The following ADK variants were observed in gnomAD, a reference collection of about 807,000 sequenced individuals.
The protein encoded by ADK is N6,N6-dimethyladenosine kinase.
In ADK, 24 loss-of-function variants were observed where a neutral mutation model predicts 44.7. The observed-to-expected ratio is 0.54, with a 90% CI of 0.39 to 0.76. The LOEUF (loss-of-function observed/expected upper bound fraction) is 0.76, where lower values mean the gene tolerates loss of function less well. Among genes scored for constraint, ADK ranks in the 30% least tolerant of loss-of-function variants. The pLI is 0.00. For synonymous variants in ADK, 128 were observed against 142.6 expected, an observed-to-expected ratio of 0.90 and a Z score of 0.73; for missense variants, 321 against 425.1, an observed-to-expected ratio of 0.76 and a Z score of 2.15.
chr10:74,311,671 C>T (rs1840437578), intron 3 of ADK, among the ~76,000 whole-genome samples: 1 of 151,948 alleles, frequency 6.6e-6, no homozygotes, highest in African/African-American at 2.4e-5. Flanking sequence ...ATATCAGCCA[C>T]AAATAAAGAT....
intron 4 of ADK, among the ~76,000 whole-genome samples, chr10:74,387,206 A>T (rs1428651576): frequency 6.6e-6 from 1 of 152,200 alleles, no homozygotes; most frequent in African/African-American, 2.4e-5. Flanking sequence ...AAGTGCTGGG[A>T]TTACAGGCGT....
intron 3 of ADK, among the ~76,000 whole-genome samples, chr10:74,238,860 T>C (rs1414247958): frequency 7.8e-5 from 11 of 140,842 alleles, no homozygotes; most frequent in African/African-American, 3.1e-4. Flanking sequence ...CTAGTGCTTT[T>C]TTTTTTTTTT....
intron 6 of ADK, among the ~76,000 whole-genome samples, chr10:74,421,815 C>T (rs1213154563): frequency 6.6e-6 from 1 of 151,876 alleles, no homozygotes. Flanking sequence ...TCCGAGTGGC[C>T]GTAGCTGGAA....
Position 74,273,114 on chromosome 10 carries a change from C to T in ADK, c.195-41553C>T, listed in dbSNP as rs181571054. On this transcript the variant is annotated intron_variant, in intron 3 of 10. Coordinates refer to ENST00000539909, the MANE Select transcript of ADK (RefSeq NM_006721.4). ...CCTCCTTCAAGGAAGAATTGTGGCC[C>T]AGTTGTGGGGAGGTCAGTCATCAGA... Among the ~76,000 whole-genome samples, 10 of 151,510 alleles carry T rather than the reference C, an allele frequency of 6.6e-5. No individual in the cohort carries two copies. In the East Asian group the frequency reaches 1.7e-3, roughly 26 times the overall value.
chr10:74,242,031 C>T (rs1485927174), intron 3 of ADK, among the ~76,000 whole-genome samples: 1 of 152,176 alleles, frequency 6.6e-6, no homozygotes, highest in Non-Finnish European at 1.5e-5. Context: ...TATGCTGGTT[C>T]AGCTATCCTT....
At chr10:74,453,900 A>G (rs569665912) in intron 6 of ADK, among the ~76,000 whole-genome samples, 1 of 152,250 alleles carries the variant, frequency 6.6e-6, no homozygotes, top group South Asian at 2.1e-4. Flanking sequence ...ATTATTAGTA[A>G]TTGCTAAAAA....
intron 1 of ADK, among the ~76,000 whole-genome samples, chr10:74,183,286 C>T (rs998908320): frequency 6.6e-6 from 1 of 152,108 alleles, no homozygotes; most frequent in East Asian, 1.9e-4. Flanking sequence ...TTAAAAAATA[C>T]TGTTGCTGGG....
intron 2 of ADK, among the ~76,000 whole-genome samples, chr10:74,214,494 T>G (rs1177350676): frequency 1.3e-5 from 2 of 152,216 alleles, no homozygotes; most frequent in African/African-American, 4.8e-5. Context: ...TCCAAGTATT[T>G]ATAGAATATT....
At chr10:74,294,394 C>A (rs1007462518) in intron 3 of ADK, among the ~76,000 whole-genome samples, 11 of 151,786 alleles carry the variant, frequency 7.2e-5, no homozygotes, top group African/African-American at 2.7e-4. Context: ...TCAAGTGATT[C>A]TCCTATCTCA....
chr10:74,201,465 G>C (rs567440699), intron 2 of ADK, among the ~76,000 whole-genome samples: 1 of 152,260 alleles, frequency 6.6e-6, no homozygotes, highest in South Asian at 2.1e-4. Flanking sequence ...TTTTGAGAGA[G>C]AGACATGCAC....
Position 74,623,508 on chromosome 10 carries a change from CT to C in ADK, c.877+23019del, listed in dbSNP as rs745422975. The stretch of plus-strand genomic sequence containing the variant: ...ACTTGCTTAACTGTGTTTCTCAAAG[CT>C]TTTGCCAAATATGCTCCAATTCTAA... On this transcript the variant is annotated intron_variant, in intron 9 of 10. Coordinates refer to ENST00000539909, the MANE Select transcript of ADK (RefSeq NM_006721.4). 2.0e-5 allele frequency among the ~76,000 whole-genome samples: 3 copies of C among 152,134 alleles called. No homozygotes were observed. In the South Asian group the frequency reaches 6.2e-4, roughly 32 times the overall value.
intron 1 of ADK, among the ~76,000 whole-genome samples, chr10:74,177,945 A>ATATATATATATATATAT (rs10693309): frequency 3.7e-5 from 4 of 108,972 alleles, no homozygotes; most frequent in South Asian, 2.8e-4. Context: ...ATATATATAT[A>ATATATATATATATATAT]TTTTTTTTTT....
At chr10:74,355,886 A>G (rs1392466348) in intron 4 of ADK, among the ~76,000 whole-genome samples, 1 of 152,046 alleles carries the variant, frequency 6.6e-6, no homozygotes, top group Non-Finnish European at 1.5e-5. Context: ...ATATAAGCAA[A>G]TGAGCATATT....
intron 9 of ADK, among the ~76,000 whole-genome samples, chr10:74,630,294 A>C (rs1419557416): frequency 4.6e-5 from 7 of 152,010 alleles, no homozygotes; most frequent in African/African-American, 1.7e-4. Context: ...TTGAAGCTAC[A>C]GACCTTTTTC....
intron 4 of ADK, among the ~76,000 whole-genome samples, chr10:74,386,066 A>G (rs1843129967): frequency 6.6e-6 from 1 of 152,122 alleles, no homozygotes; most frequent in Non-Finnish European, 1.5e-5. Context: ...GCCCTGTCTC[A>G]CTTGGTGGTA....
At chr10:74,191,956 C>T (rs1035125444) in intron 1 of ADK, among the ~76,000 whole-genome samples, 2 of 152,218 alleles carry the variant, frequency 1.3e-5, no homozygotes. Flanking sequence ...ACCCTAACCC[C>T]TGGCAACTAC....
At chr10:74,423,510 G>A in intron 6 of ADK, 1 of 199,992 alleles carries the variant, frequency 5.0e-6, no homozygotes, top group South Asian at 7.2e-5. Flanking sequence ...GGAGCACCAG[G>A]TGCACTCTGG....
intron 3 of ADK, among the ~76,000 whole-genome samples, chr10:74,230,155 G>A (rs1160173118): frequency 4.1e-5 from 6 of 147,310 alleles, no homozygotes; most frequent in African/African-American, 1.5e-4. Flanking sequence ...AGCTAGGACC[G>A]ACAGCAAGGT....
intron 7 of ADK, among the ~76,000 whole-genome samples, chr10:74,549,027 T>C (rs1192657621): frequency 1.3e-5 from 2 of 152,216 alleles, no homozygotes; most frequent in South Asian, 2.1e-4. Context: ...CAGACATGGC[T>C]TCTACCCTCA....
Sources: allele counts gnomAD v4.1 joint callset (sites outside exome capture counted in the v4.1 genomes callset), GRCh38; gene constraint gnomAD v4.1.1; transcripts MANE v1.5; gene names NCBI Gene and HGNC (gene_info 2026-07-23, HGNC 2026-07-21).